The following LTBP1 variants were observed in gnomAD, a reference collection of about 807,000 sequenced individuals.
LTBP1 encodes the protein latent transforming growth factor beta binding protein 1.
Under a neutral mutation model 207.6 loss-of-function variants are expected in LTBP1, and 129 were observed. That is an observed-to-expected ratio of 0.62 (90% CI 0.54 to 0.72). The LOEUF (loss-of-function observed/expected upper bound fraction) is 0.72, where lower values mean the gene tolerates loss of function less well. Among genes scored for constraint, LTBP1 ranks in the 30% least tolerant of loss-of-function variants. LTBP1 has a pLI of 0.00. For synonymous variants in LTBP1, 963 were observed against 833.7 expected, an observed-to-expected ratio of 1.16 and a Z score of -2.67; for missense variants, 2,281 against 2,217.2, an observed-to-expected ratio of 1.03 and a Z score of -0.58.
chr2:33,064,727 A>G (rs1223561185), intron 3 of LTBP1, among the ~76,000 whole-genome samples: 1 of 152,226 alleles, frequency 6.6e-6, no homozygotes, highest in African/African-American at 2.4e-5. Flanking sequence ...ACTGTGTACT[A>G]TATAAACATT....
chr2:33,051,917 C>T (rs1558566915), intron 3 of LTBP1, among the ~76,000 whole-genome samples: 2 of 152,298 alleles, frequency 1.3e-5, no homozygotes, highest in Non-Finnish European at 1.5e-5. Context: ...TAAATGAATA[C>T]AGTCTCTTTA....
intron 7 of LTBP1, among the ~76,000 whole-genome samples, chr2:33,190,002 G>C (rs1258903524): frequency 6.6e-6 from 1 of 152,154 alleles, no homozygotes; most frequent in Admixed American, 6.5e-5. Context: ...GCTCCAGCCT[G>C]GGTGACAGGA....
At chr2:33,193,342 A>G (rs774468488) in intron 7 of LTBP1, among the ~76,000 whole-genome samples, 8 of 152,156 alleles carry the variant, frequency 5.3e-5, no homozygotes, top group Non-Finnish European at 1.2e-4. Context: ...GGGTTTCACC[A>G]TGTTGCCCAG....
intron 3 of LTBP1, among the ~76,000 whole-genome samples, chr2:33,050,676 G>A (rs941442628): frequency 6.6e-6 from 1 of 151,992 alleles, no homozygotes; most frequent in African/African-American, 2.4e-5. Context: ...AGAACATTTG[G>A]GTTCAGGTTT....
intron 15 of LTBP1, among the ~76,000 whole-genome samples, chr2:33,269,724 T>C (rs768222508): frequency 1.3e-5 from 2 of 152,198 alleles, no homozygotes; most frequent in East Asian, 1.9e-4. Context: ...TGCATGCCGA[T>C]GTGTGAGTGA....
intron 7 of LTBP1, among the ~76,000 whole-genome samples, chr2:33,204,855 A>G (rs1055699491): frequency 6.6e-6 from 1 of 152,222 alleles, no homozygotes; most frequent in South Asian, 2.1e-4. Context: ...TCTCCCATTT[A>G]TTTATGTGAA....
intron 5 of LTBP1, among the ~76,000 whole-genome samples, chr2:33,163,713 C>T (rs1437122142): frequency 6.6e-6 from 1 of 152,072 alleles, no homozygotes; most frequent in Non-Finnish European, 1.5e-5. Context: ...ATAAAAGAAG[C>T]AGCACCTGGA....
chr2:33,177,105 C>T (rs2086141372), intron 5 of LTBP1, among the ~76,000 whole-genome samples: 1 of 152,166 alleles, frequency 6.6e-6, no homozygotes, highest in Non-Finnish European at 1.5e-5. Flanking sequence ...AGTTGGGATT[C>T]AAACTCCTGG....
At chr2:33,013,107 A>G (rs374416945) in intron 2 of LTBP1, among the ~76,000 whole-genome samples, 3 of 152,292 alleles carry the variant, frequency 2.0e-5, no homozygotes, top group African/African-American at 7.2e-5. Flanking sequence ...ATGTATGCCC[A>G]GTTATTTCCT....
intron 31 of LTBP1, among the ~76,000 whole-genome samples, chr2:33,366,359 T>C: frequency 6.6e-6 from 1 of 152,156 alleles, no homozygotes; most frequent in Non-Finnish European, 1.5e-5. Context: ...AGGGGAAAAA[T>C]TGCTTGAAAA....
intron 5 of LTBP1, among the ~76,000 whole-genome samples, chr2:33,180,936 C>G (rs1228901423): frequency 6.6e-6 from 1 of 152,158 alleles, no homozygotes; most frequent in Non-Finnish European, 1.5e-5. Flanking sequence ...TGCTGAAGGC[C>G]TTTAAGGGAA....
At chr2:33,346,064 A>G (rs1425911535) in intron 25 of LTBP1, among the ~76,000 whole-genome samples, 1 of 152,220 alleles carries the variant, frequency 6.6e-6, no homozygotes, top group Non-Finnish European at 1.5e-5. Context: ...AATTATGTAT[A>G]TTTAAGTACA....
intron 3 of LTBP1, among the ~76,000 whole-genome samples, chr2:33,032,862 A>G (rs1241165364): frequency 6.6e-6 from 1 of 152,250 alleles, no homozygotes; most frequent in African/African-American, 2.4e-5. Flanking sequence ...ACAGAATCAG[A>G]AATGCTTTTC....
chr2:33,263,048 G>T (rs540116535), intron 14 of LTBP1, among the ~76,000 whole-genome samples: 63 of 151,958 alleles, frequency 4.1e-4, no homozygotes, highest in Non-Finnish European at 7.5e-4. Context: ...ATCAGGAGTA[G>T]TATACACTAT....
Position 33,393,512 on chromosome 2 carries a change from A to G in LTBP1, c.4835-3621A>G, listed in dbSNP as rs187928674. On this transcript the variant is annotated intron_variant, in intron 32 of 33. Coordinates refer to ENST00000404816, the MANE Select transcript of LTBP1 (RefSeq NM_206943.4). ...TGTGTCCAAGTGTTCTCATTGTTCA[A>G]TTCCCACCTATGAGTGAGAACATGC... Among the ~76,000 whole-genome samples the G allele has an allele frequency of 4.9e-3, 707 of 144,376 alleles. 7 individuals are homozygous for G. The highest frequency in any genetic ancestry group is 0.015 in the African/African-American group (593 of 38,804). 94.7% of individuals were successfully genotyped at this position (144,376 alleles called of 152,430 possible).
Position 32,988,332 on chromosome 2 carries a change from T to C in LTBP1, c.566-32577T>C, listed in dbSNP as rs56094182. 3.4e-3 allele frequency among the ~76,000 whole-genome samples: 524 copies of C among 152,340 alleles called. 1 individual carries two copies. The highest frequency in any genetic ancestry group is 0.012 in the African/African-American group (486 of 41,576). On this transcript the variant is annotated intron_variant, in intron 2 of 33. Coordinates refer to ENST00000404816, the MANE Select transcript of LTBP1 (RefSeq NM_206943.4). ...TTTGGTTCTCGTGTTTAGCATGATA[T>C]TGCACCTGCTACAGTTTTCTGGTTT...
intron 2 of LTBP1, among the ~76,000 whole-genome samples, chr2:32,952,669 A>G (rs1301349786): frequency 6.6e-6 from 1 of 151,106 alleles, no homozygotes; most frequent in South Asian, 2.1e-4. Context: ...CCCAAACTGA[A>G]CCTCCCCCCA....
rs1285349950 is a variant in LTBP1 at position 33,398,825 on chromosome 2, G to C, written c.*280G>C. The C allele has an allele frequency of 1.7e-5, 4 of 237,668 alleles. No individual in the cohort carries two copies. The highest frequency in any genetic ancestry group is 1.8e-4 in the South Asian group (1 of 5,610). 14.7% of individuals were successfully genotyped at this position (237,668 alleles called of 1,614,324 possible). ...ACAGTGCTGTTATTTTAAACAGAAGGTTGTATTATTATGTTGTTTTGTTTT... is the reference window on the plus strand; with the variant it reads ...ACAGTGCTGTTATTTTAAACAGAAGCTTGTATTATTATGTTGTTTTGTTTT... On this transcript the variant is annotated 3_prime_UTR_variant, in exon 34 of 34. Transcript: ENST00000404816.
At chr2:33,322,858 G>C (rs1270374346) in intron 24 of LTBP1, among the ~76,000 whole-genome samples, 1 of 152,188 alleles carries the variant, frequency 6.6e-6, no homozygotes, top group East Asian at 1.9e-4. Context: ...ACCGTGTAAT[G>C]AATGAATTAA....
Sources: allele counts gnomAD v4.1 joint callset (sites outside exome capture counted in the v4.1 genomes callset), GRCh38; gene constraint gnomAD v4.1.1; transcripts MANE v1.5; gene names NCBI Gene and HGNC (gene_info 2026-07-23, HGNC 2026-07-21).